RORC: variants seen among roughly 807,000 people sequenced by gnomAD.
RORC encodes nuclear receptor ROR-gamma.
RORC carries 13 observed loss-of-function variants against 64.5 expected under a neutral mutation model. The ratio of observed to expected loss-of-function variants is 0.20; its 90% CI spans 0.13 to 0.32. The LOEUF (loss-of-function observed/expected upper bound fraction) is 0.32, where lower values mean the gene tolerates loss of function less well. RORC is among the 10% of genes least tolerant of loss of function. The pLI, the probability that RORC is intolerant of heterozygous loss-of-function variation, is 1.00. For missense variants in RORC, 468 were observed against 669.5 expected, an observed-to-expected ratio of 0.70 and a Z score of 3.32; for synonymous variants, 277 against 259.3, an observed-to-expected ratio of 1.07 and a Z score of -0.65.
intron 2 of RORC, among the ~76,000 whole-genome samples, chr1:151,823,387 C>A (rs574429803): frequency 6.6e-6 from 1 of 152,186 alleles, no homozygotes; most frequent in African/African-American, 2.4e-5. Context: ...CTGGGCTACC[C>A]TCCGTCTGGC....
chr1:151,807,372 C>G lies in RORC; in HGVS notation c.*100G>C, dbSNP rs1461396207. On this transcript the variant is annotated 3_prime_UTR_variant, in exon 11 of 11. Coordinates refer to ENST00000318247, the MANE Select transcript of RORC (RefSeq NM_005060.4). The surrounding 1 kb of genome is among the most constrained non-coding windows in gnomAD (Gnocchi z 5.0). ...CTTCCAAAGAGCTGGTGGGGACCAC[C>G]CTCCAGGGTTCATGGGAAAGGAAAA... The G allele has an allele frequency of 1.6e-6, 2 of 1,264,512 alleles. No individual in the cohort carries two copies. The highest frequency in any genetic ancestry group is 2.2e-6 in the Non-Finnish European group (2 of 912,384). 78.3% of individuals were successfully genotyped at this position (1,264,512 alleles called of 1,614,324 possible).
intron 2 of RORC, among the ~76,000 whole-genome samples, chr1:151,828,822 T>C (rs1020581546): frequency 6.6e-6 from 1 of 152,008 alleles, no homozygotes; most frequent in Non-Finnish European, 1.5e-5. Flanking sequence ...CTACTAAAAA[T>C]ACAAAAATTA....
intron 2 of RORC, among the ~76,000 whole-genome samples, chr1:151,826,927 G>A (rs1357394874): frequency 2.6e-5 from 4 of 152,138 alleles, no homozygotes; most frequent in Non-Finnish European, 5.9e-5. Context: ...AGACCGGCCT[G>A]GCCAACATGG....
At position 151,814,565 on chromosome 1, in the gene RORC, T is replaced by G. The variant is rs767635661; in HGVS notation, c.933+9A>C. ...ATACGTTCCCTTCCTGCAGGTCTCC[T>G]GGCCTCACCTTCCTCTGGTAGCCAG... On this transcript the variant is annotated intron_variant, in intron 6 of 10. Coordinates refer to ENST00000318247, the MANE Select transcript of RORC (RefSeq NM_005060.4). 5.0e-6 allele frequency: 8 copies of G among 1,608,614 alleles called. No homozygotes were observed. Among genetic ancestry groups the G allele is most frequent in the Non-Finnish European group, 2.6e-6 (3 of 1,176,458 alleles).
chr1:151,824,881 C>A (rs1341444200), intron 2 of RORC, among the ~76,000 whole-genome samples: 1 of 152,222 alleles, frequency 6.6e-6, no homozygotes, highest in Non-Finnish European at 1.5e-5. Flanking sequence ...CCTGGTCTTA[C>A]ACTGTCAGTC....
intron 2 of RORC, among the ~76,000 whole-genome samples, chr1:151,825,552 G>C (rs1652161509): frequency 6.6e-6 from 1 of 152,184 alleles, no homozygotes; most frequent in African/African-American, 2.4e-5. Context: ...ACTGTAACAG[G>C]AGAGTGCGTT....
chr1:151,814,917 C>T lies in RORC; in HGVS notation c.807G>A (p.Glu269=). 6.2e-7 allele frequency: 1 copy of T among 1,611,910 alleles called. No individual in the cohort carries two copies. Among genetic ancestry groups the T allele is most frequent in the Non-Finnish European group, 8.5e-7 (1 of 1,178,400 alleles). The change falls in exon 5 of 11, where the codon GAG becomes GAA. Residue 269 remains glutamate, a synonymous_variant. Transcript: ENST00000318247. The part of the protein sequence containing the change: ...TPEAPYASLT[E]IEHLVQSVCK... ...TCCACCTCCCCAGCTGCTCACCTAT[C>T]TCTGTCAGGGAGGCATAGGGTGCCT...
intron 2 of RORC, among the ~76,000 whole-genome samples, chr1:151,823,195 AC>A (rs1039529562): frequency 6.6e-6 from 1 of 151,986 alleles, no homozygotes; most frequent in Non-Finnish European, 1.5e-5. Flanking sequence ...ATATCTGTGT[AC>A]CCTGGGGACT....
chr1:151,828,209 G>A (rs1652272349), intron 2 of RORC, among the ~76,000 whole-genome samples: 1 of 152,150 alleles, frequency 6.6e-6, no homozygotes, highest in Non-Finnish European at 1.5e-5. Flanking sequence ...AGACAATTTT[G>A]GCATTGGGCG....
rs6685811 is a variant in RORC at position 151,829,545 on chromosome 1, C to T, written c.41-87G>A. 6,251 of 1,227,738 alleles carry T rather than the reference C, an allele frequency of 5.1e-3. 251 individuals carry two copies. In the African/African-American group the frequency reaches 0.087, roughly 17 times the overall value. The allele number at this position is 1,227,738 out of a possible 1,614,324, so 76.1% of individuals were successfully genotyped here. ...TTCCCCACTCCTAGGATCCCACTGC[C>T]GCACTCCTTCCCTCAGAGCCTGGCG... On this transcript the variant is annotated intron_variant, in intron 1 of 10. Transcript: ENST00000318247.
intron 9 of RORC, 65 bp downstream of exon 9, chr1:151,812,882 C>T: frequency 9.5e-7 from 1 of 1,047,398 alleles, no homozygotes; most frequent in Non-Finnish European, 1.5e-6. Flanking sequence ...GGTCTAGACT[C>T]TTCTTCAATA....
chr1:151,829,348 G>T, intron 2 of RORC, 81 bp downstream of exon 2: 1 of 1,355,172 alleles, frequency 7.4e-7, no homozygotes, highest in Non-Finnish European at 1.0e-6. Context: ...TCCAACCTCA[G>T]TCCCCCCACA....
At position 151,829,421 on chromosome 1, in the gene RORC, C is replaced by G. The variant is rs1572049155; in HGVS notation, c.70+8G>C. On this transcript the variant is annotated splice_region_variant and intron_variant, in intron 2 of 10. Coordinates refer to ENST00000318247, the MANE Select transcript of RORC (RefSeq NM_005060.4). Reference sequence around the variant, plus strand: ...CAGCCATTTTCTTGCCCCGGACCCCCTACTCACAGGTGTGGGTCTTCTTTG... The same window carrying G: ...CAGCCATTTTCTTGCCCCGGACCCCGTACTCACAGGTGTGGGTCTTCTTTG... 6.5e-7 allele frequency: 1 copy of G among 1,536,530 alleles called. No individual in the cohort carries two copies. The highest frequency in any genetic ancestry group is 2.6e-5 in the East Asian group (1 of 37,906).
intron 9 of RORC, 97 bp from the exon 10 acceptor site, chr1:151,811,531 G>C: frequency 1.4e-6 from 1 of 734,674 alleles, no homozygotes; most frequent in South Asian, 1.8e-5. Flanking sequence ...GTGCTGGATA[G>C]AGGTCTTCTA....
At chr1:151,819,197 G>A (rs1188343149) in intron 2 of RORC, among the ~76,000 whole-genome samples, 1 of 152,176 alleles carries the variant, frequency 6.6e-6, no homozygotes, top group Non-Finnish European at 1.5e-5. Flanking sequence ...TGGGTGTCTG[G>A]AACAGGGGCA....
At chr1:151,822,317 G>A (rs1035475563) in intron 2 of RORC, among the ~76,000 whole-genome samples, 1 of 152,088 alleles carries the variant, frequency 6.6e-6, no homozygotes, top group Admixed American at 6.5e-5. Context: ...GCTGGGTGGG[G>A]GCTGGGGGAG....
intron 2 of RORC, among the ~76,000 whole-genome samples, chr1:151,826,929 C>G (rs1230046307): frequency 6.6e-6 from 1 of 152,100 alleles, no homozygotes; most frequent in Non-Finnish European, 1.5e-5. Flanking sequence ...ACCGGCCTGG[C>G]CAACATGGTG....
intron 10 of RORC, among the ~76,000 whole-genome samples, chr1:151,809,429 A>C (rs984280684): frequency 1.3e-5 from 2 of 151,916 alleles, no homozygotes; most frequent in Admixed American, 1.3e-4. Context: ...ACAACAACAA[A>C]AACAAGAAAA....
chr1:151,818,069 C>G (rs1651839550), intron 2 of RORC, among the ~76,000 whole-genome samples: 1 of 152,202 alleles, frequency 6.6e-6, no homozygotes, highest in South Asian at 2.1e-4. Context: ...GACTAGAGAC[C>G]ATCTCATTCA....
Sources: gnomAD v4.1 joint callset for allele counts (sites outside exome capture counted in the v4.1 genomes callset) on GRCh38, gnomAD v4.1.1 for gene constraint, Gnocchi (gnomAD v3.1) non-coding constraint, MANE v1.5 for transcripts, NCBI Gene and HGNC (gene_info 2026-07-23, HGNC 2026-07-21) for gene names.